DMD: variants seen among roughly 807,000 people sequenced by gnomAD.
The protein encoded by DMD is mutant dystrophin.
A neutral mutation model predicts 330.1 loss-of-function variants in DMD; 63 were observed. The observed-to-expected ratio is 0.19, with a 90% CI of 0.16 to 0.24. The LOEUF is 0.24. DMD is among the 10% of genes least tolerant of loss of function. DMD has a pLI of 1.00. For synonymous variants in DMD, 1,223 were observed against 959.8 expected, an observed-to-expected ratio of 1.27 and a Z score of -5.07; for missense variants, 3,344 against 2,684.1, an observed-to-expected ratio of 1.25 and a Z score of -5.43.
intron 1 of DMD, among the ~76,000 whole-genome samples, chrX:33,271,354 A>C (rs1343206272): frequency 8.9e-6 from 1 of 111,739 alleles, no homozygotes; most frequent in Non-Finnish European, 1.9e-5. Flanking sequence ...AAACTAAAAA[A>C]AAAAAAGCAA....
chrX:32,728,095 T>A (rs2067105237), intron 7 of DMD, among the ~76,000 whole-genome samples: 1 of 111,508 alleles, frequency 9.0e-6, no homozygotes, highest in African/African-American at 3.3e-5. Context: ...TGATAAATGT[T>A]TACTCTTCAT....
chrX:31,311,828 T>A (rs893970423), intron 62 of DMD, among the ~76,000 whole-genome samples: 3 of 111,353 alleles, frequency 2.7e-5, no homozygotes, highest in African/African-American at 9.8e-5. Context: ...TGATCTTTGA[T>A]AAACCTGACA....
chrX:33,302,693 A>G (rs997246172), intron 1 of DMD, among the ~76,000 whole-genome samples: 8 of 111,235 alleles, frequency 7.2e-5, no homozygotes, highest in Non-Finnish European at 1.5e-4. Flanking sequence ...CTGCCTCCAC[A>G]CACGTACAGC....
intron 30 of DMD, among the ~76,000 whole-genome samples, chrX:32,400,731 T>G (rs1222273160): frequency 9.2e-6 from 1 of 108,795 alleles, no homozygotes; most frequent in Non-Finnish European, 1.9e-5. Flanking sequence ...ACACTGTTGG[T>G]GGGACTGTAA....
intron 44 of DMD, among the ~76,000 whole-genome samples, chrX:32,140,686 G>A (rs909023931): frequency 3.6e-5 from 4 of 111,594 alleles, no homozygotes; most frequent in African/African-American, 1.3e-4. Flanking sequence ...GGAGGTGAAA[G>A]GCACTTCTTA....
chrX:33,108,331 A>C (rs932656717), intron 1 of DMD, among the ~76,000 whole-genome samples: 1 of 110,926 alleles, frequency 9.0e-6, no homozygotes, highest in Non-Finnish European at 1.9e-5. Context: ...CAGTGGCATG[A>C]TCTTGGCTCA....
At chrX:31,493,609 G>A (rs1233881528) in intron 57 of DMD, among the ~76,000 whole-genome samples, 1 of 111,985 alleles carries the variant, frequency 8.9e-6, no homozygotes, top group African/African-American at 3.2e-5. Context: ...TAGGAAAGAG[G>A]AGGCTGAGGC....
At chrX:33,277,871 G>A (rs1329114228) in intron 1 of DMD, among the ~76,000 whole-genome samples, 2 of 111,220 alleles carry the variant, frequency 1.8e-5, no homozygotes, top group African/African-American at 3.3e-5. Context: ...ATTTCGAGAA[G>A]TCAAGGCGGG....
intron 44 of DMD, among the ~76,000 whole-genome samples, chrX:32,122,993 ATGGAAATTTTACTTT>A (rs376447942): frequency 1.5e-3 from 166 of 107,725 alleles, no homozygotes; most frequent in African/African-American, 5.2e-3. Context: ...TGACACCTAC[ATGGAAATTTTACTTT>A]TGAAAAGCAG....
At chrX:32,801,896 G>A (rs898448595) in intron 7 of DMD, among the ~76,000 whole-genome samples, 3 of 111,898 alleles carry the variant, frequency 2.7e-5, no homozygotes, top group Non-Finnish European at 3.8e-5. Flanking sequence ...GTATCATGCT[G>A]TTTTGGTTAC....
At chrX:32,621,107 A>C (rs1242582512) in intron 11 of DMD, among the ~76,000 whole-genome samples, 1 of 111,297 alleles carries the variant, frequency 9.0e-6, no homozygotes, top group African/African-American at 3.3e-5. Context: ...TGATCATACT[A>C]TGAAATGAGA....
intron 43 of DMD, among the ~76,000 whole-genome samples, chrX:32,277,025 G>C (rs950379762): frequency 9.0e-6 from 1 of 111,545 alleles, no homozygotes; most frequent in Non-Finnish European, 1.9e-5. Context: ...ACCCAATTTT[G>C]TGTTGACCTC....
At chrX:32,536,331 A>G (rs1332132486) in intron 17 of DMD, among the ~76,000 whole-genome samples, 1 of 109,373 alleles carries the variant, frequency 9.1e-6, no homozygotes, top group East Asian at 2.9e-4. Context: ...TTAGATAACC[A>G]GAAAGACAAG....
chrX:32,845,429 T>C (rs995270507), intron 3 of DMD, among the ~76,000 whole-genome samples: 2 of 112,253 alleles, frequency 1.8e-5, no homozygotes, highest in Admixed American at 1.9e-4. Context: ...CATTGTAATA[T>C]ACAAATTAAC....
At chrX:32,089,720 T>C (rs111261799) in intron 44 of DMD, among the ~76,000 whole-genome samples, 15 of 112,234 alleles carry the variant, frequency 1.3e-4, no homozygotes, top group African/African-American at 4.8e-4. Flanking sequence ...TCCATGTCTT[T>C]GCTATTGTGA....
At chrX:33,058,660 A>G (rs1346249574) in intron 1 of DMD, among the ~76,000 whole-genome samples, 1 of 110,753 alleles carries the variant, frequency 9.0e-6, no homozygotes, top group African/African-American at 3.3e-5. Context: ...TAAGGAAGGC[A>G]TAAATTTAGA....
intron 7 of DMD, among the ~76,000 whole-genome samples, chrX:32,734,721 A>C (rs777907710): frequency 9.1e-6 from 1 of 110,333 alleles, no homozygotes; most frequent in African/African-American, 3.4e-5. Flanking sequence ...ACAACCCTTC[A>C]TGCTAAAAAC....
rs765399228 is a variant in DMD at position 31,725,945 on chromosome X, T to G, written c.7660+3686A>C. The stretch of plus-strand genomic sequence containing the variant: ...GACACGAACAAGAGTTTCATGTAAT[T>G]CAGACGCCTCCAAGGAAGAAAATTT... On this transcript the variant is annotated intron_variant, in intron 52 of 78. Coordinates refer to ENST00000357033, the MANE Select transcript of DMD (RefSeq NM_004006.3). Among the ~76,000 whole-genome samples the G allele has an allele frequency of 3.6e-5, 4 of 112,567 alleles. No individual in the cohort carries two copies. The South Asian group carries it at 1.5e-3, about 42-fold the overall frequency.
At chrX:32,827,600 G>A (rs971624633) in intron 4 of DMD, among the ~76,000 whole-genome samples, 2 of 109,443 alleles carry the variant, frequency 1.8e-5, no homozygotes, top group Non-Finnish European at 3.8e-5. Context: ...TTACTCTTGA[G>A]TAGGCTCCAG....
Sources: allele counts gnomAD v4.1 joint callset (sites outside exome capture counted in the v4.1 genomes callset), GRCh38; gene constraint gnomAD v4.1.1; transcripts MANE v1.5; gene names NCBI Gene and HGNC (gene_info 2026-07-23, HGNC 2026-07-21).